GALNT3: variants seen among roughly 807,000 people sequenced by gnomAD.
GALNT3 encodes polypeptide N-acetylgalactosaminyltransferase 3.
Under a neutral mutation model 69.8 loss-of-function variants are expected in GALNT3, and 51 were observed. The ratio of observed to expected loss-of-function variants is 0.73; its 90% confidence interval spans 0.58 to 0.92. The LOEUF (loss-of-function observed/expected upper bound fraction) is 0.92, where lower values mean the gene tolerates loss of function less well. GALNT3 is among the 40% of genes least tolerant of loss of function. The pLI, the probability that GALNT3 is intolerant of heterozygous loss-of-function variation, is 0.00. For missense variants in GALNT3, 711 were observed against 760.0 expected, an observed-to-expected ratio of 0.94 and a Z score of 0.76; for synonymous variants, 265 against 248.5, an observed-to-expected ratio of 1.07 and a Z score of -0.63.
intron 10 of GALNT3, 88 bp from the exon 11 acceptor site, chr2:165,748,991 C>T: frequency 7.5e-7 from 1 of 1,337,260 alleles, no homozygotes; most frequent in South Asian, 1.3e-5. Context: ...TTCATTGAAG[C>T]AAACCTAATA....
chr2:165,793,367 TC>T (rs775851407), intron 1 of GALNT3, among the ~76,000 whole-genome samples: 4 of 152,090 alleles, frequency 2.6e-5, no homozygotes, highest in Non-Finnish European at 5.9e-5. Context: ...TCTCCATTGA[TC>T]AGGAAAGTGG....
In GALNT3 at chr2:165,748,739, G is replaced by A. The variant is rs765852862; in HGVS notation, c.*42C>T. 9 of 1,564,002 alleles carry A rather than the reference G, an allele frequency of 5.8e-6. No homozygotes were observed. The South Asian group carries it at 7.9e-5, about 14-fold the overall frequency. On this transcript the variant is annotated 3_prime_UTR_variant, in exon 11 of 11. Coordinates refer to ENST00000392701, the MANE Select transcript of GALNT3 (RefSeq NM_004482.4). ...AGTGTATGCCTAGTCACAGTTTTAT[G>A]AGAAAGAATATTTCCTTTTTCAACT...
Position 165,770,384 on chromosome 2 carries a change from T to G in GALNT3, c.317A>C (p.Glu106Ala). ...PCLQGYYTAA[E>A]LKPVLDRPPQ... is the part of the protein sequence containing the mutation. ...TGGACGGTCAAGGACAGGCTTCAATTCTGCTGCTGTATAATATCCTTGCAA... is the reference window on the plus strand; with the variant it reads ...TGGACGGTCAAGGACAGGCTTCAATGCTGCTGCTGTATAATATCCTTGCAA... Residue 106 changes from glutamate (E) to alanine (A), a missense_variant, in exon 2 of 11, where the codon GAA becomes GCA. Transcript: ENST00000392701. 1 of 1,614,232 alleles carries G rather than the reference T, an allele frequency of 6.2e-7. No homozygotes were observed.
At position 165,758,773 on chromosome 2, in the gene GALNT3, C is replaced by T. The variant is rs1688491391; in HGVS notation, c.1165G>A (p.Gly389Ser). The stretch of plus-strand genomic sequence containing the variant: ...CTGAAAGACATTTCTATATTTTCAC[C>T]TCCCCAGATTTCCATTTCTTCATCA... ...SYDEEMEIWGGENIEMSFRVW... is the reference protein window; with the variant it reads ...SYDEEMEIWGSENIEMSFRVW... The change falls in exon 6 of 11, where the codon GGT becomes AGT. Residue 389 changes from glycine (G) to serine (S), a missense_variant. By Grantham distance (56) the Gly-to-Ser change is moderately conservative. Coordinates refer to ENST00000392701, the MANE Select transcript of GALNT3 (RefSeq NM_004482.4). 6.3e-7 allele frequency: 1 copy of T among 1,594,412 alleles called. No individual in the cohort carries two copies. The highest frequency in any genetic ancestry group is 1.3e-5 in the African/African-American group (1 of 74,492).
At chr2:165,757,980 CTCTT>C (rs1179509510) in intron 6 of GALNT3, among the ~76,000 whole-genome samples, 1 of 152,158 alleles carries the variant, frequency 6.6e-6, no homozygotes, top group African/African-American at 2.4e-5. Flanking sequence ...GATTACAAAT[CTCTT>C]TCTCTCCTTT....
chr2:165,762,157 A>C, intron 3 of GALNT3, 103 bp from the exon 4 acceptor site: 1 of 889,428 alleles, frequency 1.1e-6, no homozygotes, highest in African/African-American at 1.7e-5. Context: ...CCAAATTCAT[A>C]ATCTTAACAG....
At chr2:165,775,017 C>T (rs1348859044) in intron 1 of GALNT3, among the ~76,000 whole-genome samples, 9 of 146,170 alleles carry the variant, frequency 6.2e-5, no homozygotes, top group Non-Finnish European at 1.0e-4. Flanking sequence ...AGCCTCCCAA[C>T]GTGCTGGGAT....
At position 165,770,455 on chromosome 2, in the gene GALNT3, T is replaced by C; in HGVS notation, c.246A>G (p.Ile82Met). ...NIKDAMPKMQ[I>M]GAPVRQNIDA... ...CAATGTTTTGCCTGACAGGTGCTCC[T>C]ATTTGCATTTTTGGCATGGCATCCT... The change falls in exon 2 of 11, where the codon ATA becomes ATG. Residue 82 changes from isoleucine (I) to methionine (M), a missense_variant. Coordinates refer to ENST00000392701, the MANE Select transcript of GALNT3 (RefSeq NM_004482.4). The C allele has an allele frequency of 6.2e-7, 1 of 1,614,262 alleles. No homozygotes were observed. The highest frequency in any genetic ancestry group is 8.5e-7 in the Non-Finnish European group (1 of 1,180,050).
intron 5 of GALNT3, 36 bp downstream of exon 5, chr2:165,759,300 G>A (rs773549642): frequency 1.3e-6 from 2 of 1,492,958 alleles, no homozygotes; most frequent in Admixed American, 1.7e-5. Context: ...TATGGTATAG[G>A]GTGTAAATAT....
chr2:165,777,032 T>C (rs1682970617), intron 1 of GALNT3, among the ~76,000 whole-genome samples: 1 of 152,228 alleles, frequency 6.6e-6, no homozygotes, highest in African/African-American at 2.4e-5. Flanking sequence ...ATTCCAACTG[T>C]AGCAATTTTC....
chr2:165,787,600 G>A (rs1683251980), intron 1 of GALNT3, among the ~76,000 whole-genome samples: 1 of 152,186 alleles, frequency 6.6e-6, no homozygotes, highest in Non-Finnish European at 1.5e-5. Context: ...ATGAATAAAA[G>A]TAGATGGATT....
chr2:165,759,602 A>T (rs778156067), intron 4 of GALNT3, 32 bp from the exon 5 acceptor site: 27 of 1,517,276 alleles, frequency 1.8e-5, no homozygotes, highest in Non-Finnish European at 2.3e-5. Context: ...TTAATTCAAT[A>T]AAAACATTGA....
chr2:165,781,161 A>C (rs1331879658), intron 1 of GALNT3, among the ~76,000 whole-genome samples: 1 of 152,184 alleles, frequency 6.6e-6, no homozygotes, highest in East Asian at 1.9e-4. Flanking sequence ...ATAAAGCTGA[A>C]GTGGTAGCAT....
rs528990048 is a variant in GALNT3 at position 165,781,459 on chromosome 2, T to C, written c.-108-10651A>G. On this transcript the variant is annotated intron_variant, in intron 1 of 10. Coordinates refer to ENST00000392701, the MANE Select transcript of GALNT3 (RefSeq NM_004482.4). ...AAAAAATACATAAATTAGCCGGGTG[T>C]GGTGGAGCTCACCTATGGTCCCAGT... Among the ~76,000 whole-genome samples, 369 of 152,040 alleles carry C rather than the reference T, an allele frequency of 2.4e-3. 4 individuals carry two copies. Among genetic ancestry groups the C allele is most frequent in the South Asian group, 0.015 (74 of 4,810 alleles).
intron 2 of GALNT3, 101 bp downstream of exon 2, chr2:165,770,085 G>T: frequency 1.5e-6 from 2 of 1,328,504 alleles, no homozygotes; most frequent in Non-Finnish European, 1.1e-6. Context: ...CTGATTTTCT[G>T]CCTTAGAGTA....
chr2:165,756,395 T>C (rs1000755110), intron 7 of GALNT3, among the ~76,000 whole-genome samples: 1 of 152,178 alleles, frequency 6.6e-6, no homozygotes, highest in African/African-American at 2.4e-5. Context: ...TTATGGCAGG[T>C]TAATAACAAG....
Position 165,765,011 on chromosome 2 carries a change from G to A in GALNT3, c.561C>T (p.Thr187=). The A allele has an allele frequency of 6.2e-7, 1 of 1,614,174 alleles. No homozygotes were observed. The highest frequency in any genetic ancestry group is 8.5e-7 in the Non-Finnish European group (1 of 1,180,012). ...CATTATGAAAAACTATTATGACACT[G>A]GTGGTGGGCAGGGGAGGGCAGCGCT... ...KFKRCPPLPT[T]SVIIVFHNEA... The change falls in exon 3 of 11, where the codon ACC becomes ACT. Residue 187 remains threonine (T), a synonymous_variant. Coordinates refer to ENST00000392701, the MANE Select transcript of GALNT3 (RefSeq NM_004482.4).
intron 6 of GALNT3, 53 bp from the exon 7 acceptor site, chr2:165,757,300 T>G: frequency 1.3e-6 from 2 of 1,560,024 alleles, no homozygotes; most frequent in Non-Finnish European, 1.8e-6. Context: ...AAAATCAAAG[T>G]GTTGCTTTTA....
In GALNT3 at chr2:165,749,756, ATATCTGCTC is replaced by A. The variant is rs775378938; in HGVS notation, c.1756_1764del (p.Glu586_Ile588del). On this transcript the variant is annotated inframe_deletion, in exon 10 of 11. Coordinates refer to ENST00000392701, the MANE Select transcript of GALNT3 (RefSeq NM_004482.4). ...CACTGAGGTACCTTCTGGATCTCCCATATCTGCTCTCCAGTGACAACTGTCTTGTGACCT... is the reference window on the plus strand; with the variant it reads ...CACTGAGGTACCTTCTGGATCTCCCATCCAGTGACAACTGTCTTGTGACCT... 6.2e-7 allele frequency: 1 copy of A among 1,613,530 alleles called. No homozygotes were observed. Among genetic ancestry groups the A allele is most frequent in the Non-Finnish European group, 8.5e-7 (1 of 1,179,516 alleles).
Sources: allele counts gnomAD v4.1 joint callset (sites outside exome capture counted in the v4.1 genomes callset), GRCh38; gene constraint gnomAD v4.1.1; transcripts MANE v1.5; gene names NCBI Gene and HGNC (gene_info 2026-07-23, HGNC 2026-07-21).